Variants in GNS observed in about 807,000 individuals in gnomAD.
GNS encodes the protein glucosamine (N-acetyl)-6-sulfatase.
Under a neutral mutation model 69.7 loss-of-function variants are expected in GNS, and 40 were observed. The observed-to-expected ratio is 0.57, with a 90% CI of 0.45 to 0.75. GNS has a LOEUF of 0.75. Ranked by LOEUF, GNS falls within the 30% of genes least tolerant of loss-of-function variation. The pLI, the probability that GNS is intolerant of heterozygous loss-of-function variation, is 0.00. For synonymous variants in GNS, 243 were observed against 251.6 expected (o/e 0.97, Z 0.32); for missense variants, 565 against 685.5 (o/e 0.82, Z 1.96).
At position 64,747,732 on chromosome 12, in the gene GNS, C is replaced by CA; in HGVS notation, c.438dup (p.Ala147CysfsTer7). On this transcript the variant is annotated frameshift_variant, in exon 3 of 14. Transcript: ENST00000258145. LOFTEE classifies it high-confidence loss of function. ...CATACCTCATTTAAATATTTCCCTGCAAAAAAGGTCTGATAACCACACATT... is the reference window on the plus strand; with the variant it reads ...CATACCTCATTTAAATATTTCCCTGCAAAAAAAGGTCTGATAACCACACATT... 2 of 1,601,790 alleles carry CA rather than the reference C, an allele frequency of 1.2e-6. No homozygotes were observed. Among genetic ancestry groups the CA allele is most frequent in the Non-Finnish European group, 1.7e-6 (2 of 1,168,782 alleles).
At chr12:64,730,772 A>T (rs1450408743) in intron 9 of GNS, among the ~76,000 whole-genome samples, 1 of 152,212 alleles carries the variant, frequency 6.6e-6, no homozygotes, top group East Asian at 1.9e-4. Context: ...AATATGGAAG[A>T]GGTCACAGCA....
intron 3 of GNS, among the ~76,000 whole-genome samples, chr12:64,747,433 A>C (rs1869928813): frequency 1.3e-5 from 2 of 152,222 alleles, no homozygotes; most frequent in Admixed American, 1.3e-4. Flanking sequence ...CAGCACTCTT[A>C]GGACAATTTT....
At chr12:64,722,953 T>C (rs1444127866) in intron 11 of GNS, 53 bp downstream of exon 11, 39 of 1,054,690 alleles carry the variant, frequency 3.7e-5, no homozygotes, top group Non-Finnish European at 5.8e-5. Flanking sequence ...AACCAGCACC[T>C]TGCCATGTTG....
At chr12:64,748,782 A>G (rs1468379495) in intron 2 of GNS, among the ~76,000 whole-genome samples, 1 of 152,156 alleles carries the variant, frequency 6.6e-6, no homozygotes, top group Non-Finnish European at 1.5e-5. Flanking sequence ...GAAAGGTAAT[A>G]CTAGCTTATA....
chr12:64,749,805 T>C (rs1316086392), intron 2 of GNS, among the ~76,000 whole-genome samples: 2 of 152,180 alleles, frequency 1.3e-5, no homozygotes, highest in African/African-American at 4.8e-5. Flanking sequence ...TCTCTTTTTG[T>C]TTTCTGATCA....
At chr12:64,752,132 GAA>G (rs968295322) in intron 2 of GNS, among the ~76,000 whole-genome samples, 3 of 152,062 alleles carry the variant, frequency 2.0e-5, no homozygotes, top group African/African-American at 4.8e-5. Flanking sequence ...CACACTGCTA[GAA>G]AAGAGGCAGA....
Position 64,716,893 on chromosome 12 carries a change from T to C in GNS, c.1581-74A>G, listed in dbSNP as rs567918606. On this transcript the variant is annotated intron_variant, in intron 13 of 13. Coordinates refer to ENST00000258145, the MANE Select transcript of GNS (RefSeq NM_002076.4). ...TCAGAATATTATTCAGTGGAAAGGA[T>C]AGCAGGAAGGGGTGTAAAAGAAACA... The C allele has an allele frequency of 4.5e-4, 425 of 947,438 alleles. No individual in the cohort carries two copies. In the African/African-American group the frequency reaches 6.2e-3, roughly 14 times the overall value. The allele number at this position is 947,438 out of a possible 1,614,324, so 58.7% of individuals were successfully genotyped here. A position where few individuals can be genotyped will look rare whatever the true frequency, so the allele number is the denominator to read the frequency against.
At chr12:64,732,450 G>T (rs1869432763) in intron 9 of GNS, among the ~76,000 whole-genome samples, 1 of 148,434 alleles carries the variant, frequency 6.7e-6, no homozygotes, top group African/African-American at 2.5e-5. Context: ...TTACAGGTGT[G>T]AACCACCGCG....
intron 7 of GNS, among the ~76,000 whole-genome samples, 199 bp downstream of exon 7, chr12:64,740,407 T>G (rs896657213): frequency 1.3e-5 from 2 of 152,228 alleles, no homozygotes; most frequent in Admixed American, 6.5e-5. Flanking sequence ...TAATTAGTAC[T>G]GGGGTCCAAA....
intron 10 of GNS, among the ~76,000 whole-genome samples, 158 bp downstream of exon 10, chr12:64,728,796 CAT>C (rs1369964793): frequency 6.6e-6 from 1 of 152,164 alleles, no homozygotes; most frequent in Non-Finnish European, 1.5e-5. Context: ...CTCGATTTCA[CAT>C]GTGGTCTAAT....
Position 64,749,248 on chromosome 12 carries a change from CTTTTTTTT to C in GNS, c.253-1338_253-1331del, listed in dbSNP as rs759239939. 2.1e-3 allele frequency among the ~76,000 whole-genome samples: 139 copies of C among 65,080 alleles called. 3 individuals are homozygous for C. Among genetic ancestry groups the C allele is most frequent in the African/African-American group, 0.01 (134 of 12,844 alleles). The allele number at this position is 65,080 out of a possible 152,430, so 42.7% of individuals were successfully genotyped here. A position where few individuals can be genotyped will look rare whatever the true frequency, so the allele number is the denominator to read the frequency against. On this transcript the variant is annotated intron_variant, in intron 2 of 13. Coordinates refer to ENST00000258145, the MANE Select transcript of GNS (RefSeq NM_002076.4). ...GCCACTGTGCCCGGCCTTGATTTGG[CTTTTTTTT>C]TTTTTTTTTTTTTTGAGACACATTC...
intron 9 of GNS, among the ~76,000 whole-genome samples, chr12:64,731,868 C>A (rs1207937953): frequency 6.6e-6 from 1 of 152,088 alleles, no homozygotes; most frequent in East Asian, 1.9e-4. Context: ...CTCAGGAGGC[C>A]AAGGCTGCAG....
chr12:64,734,410 C>A (rs1472766989), intron 9 of GNS, among the ~76,000 whole-genome samples: 2 of 152,100 alleles, frequency 1.3e-5, no homozygotes, highest in Admixed American at 6.6e-5. Context: ...GGGCATCTAC[C>A]CCATGTGGGA....
intron 9 of GNS, chr12:64,729,328 T>C (rs1869312102): frequency 2.4e-6 from 1 of 411,418 alleles, no homozygotes. Flanking sequence ...AAAATGTTTT[T>C]TGAAAACTCC....
chr12:64,756,368 G>A (rs1418877879), intron 1 of GNS, among the ~76,000 whole-genome samples: 1 of 152,150 alleles, frequency 6.6e-6, no homozygotes, highest in Non-Finnish European at 1.5e-5. Flanking sequence ...AAATTAAGGA[G>A]TTCCATGATG....
rs528424695 is a variant in GNS at position 64,725,792 on chromosome 12, C to T, written c.1201-2679G>A. Among the ~76,000 whole-genome samples, 99 of 151,756 alleles carry T rather than the reference C, an allele frequency of 6.5e-4. No individual in the cohort carries two copies. The Middle Eastern group carries it at 0.014, about 21-fold the overall frequency. ...AGGGGGGATCACGAGGTCGGGAGATCGAGACCATCCTGGCTAACACGGTGA... is the reference window on the plus strand; with the variant it reads ...AGGGGGGATCACGAGGTCGGGAGATTGAGACCATCCTGGCTAACACGGTGA... On this transcript the variant is annotated intron_variant, in intron 10 of 13. Transcript: ENST00000258145.
Position 64,736,274 on chromosome 12 carries a change from G to C in GNS, c.1098+730C>G, listed in dbSNP as rs1869553190. Among the ~76,000 whole-genome samples the C allele has an allele frequency of 4.6e-5, 7 of 152,208 alleles. 1 individual carries two copies. The South Asian group carries it at 1.4e-3, about 32-fold the overall frequency. ...AGAAAAAGACACTGAAACCAAATGG[G>C]AAAGACAACAGAACAATGTGGCATA... On this transcript the variant is annotated intron_variant, in intron 9 of 13. Coordinates refer to ENST00000258145, the MANE Select transcript of GNS (RefSeq NM_002076.4).
intron 10 of GNS, 111 bp downstream of exon 10, chr12:64,728,845 T>G: frequency 1.5e-6 from 1 of 673,628 alleles, no homozygotes; most frequent in Non-Finnish European, 2.7e-6. Flanking sequence ...TCACAAGATT[T>G]TCTGCCCCCA....
At chr12:64,745,965 T>G (rs536065660) in intron 3 of GNS, 13 of 544,864 alleles carry the variant, frequency 2.4e-5, no homozygotes, top group South Asian at 1.5e-4. Context: ...AACAGCAAGC[T>G]AAGAATTTAA....
Sources: gnomAD v4.1 joint callset for allele counts (sites outside exome capture counted in the v4.1 genomes callset) on GRCh38, gnomAD v4.1.1 for gene constraint, MANE v1.5 for transcripts, NCBI Gene and HGNC (gene_info 2026-07-23, HGNC 2026-07-21) for gene names.